CCDC73: variants seen among roughly 807,000 people sequenced by gnomAD.
CCDC73 encodes coiled-coil domain-containing protein 73.
CCDC73 carries 95 observed loss-of-function variants against 116.5 expected under a neutral mutation model. The ratio of observed to expected loss-of-function variants is 0.82; its 90% CI spans 0.69 to 0.97. CCDC73 has a LOEUF of 0.97. CCDC73 is among the 50% of genes least tolerant of loss of function. CCDC73 has a pLI of 0.00. For missense variants in CCDC73, 1,066 were observed against 1,206.8 expected (o/e 0.88, Z 1.73); for synonymous variants, 398 against 401.3 (o/e 0.99, Z 0.10).
Position 32,655,089 on chromosome 11 carries a change from C to CATATATCAAGATAATA in CCDC73, c.646-118_646-117insTATTATCTTGATATAT. 1.6e-3 allele frequency: 1,256 copies of CATATATCAAGATAATA among 763,180 alleles called. 33 individuals are homozygous for CATATATCAAGATAATA. Among genetic ancestry groups the CATATATCAAGATAATA allele is most frequent in the Non-Finnish European group, 2.2e-3 (1,102 of 509,096 alleles). The allele number at this position is 763,180 out of a possible 1,614,324, so 47.3% of individuals were successfully genotyped here. A position where few individuals can be genotyped will look rare whatever the true frequency, so the allele number is the denominator to read the frequency against. Reference sequence around the variant, plus strand: ...CCTATAATTATAATTTGTTATAATTCCCTTGCAAGTTCCCTTGCAAGATTA... The same window carrying CATATATCAAGATAATA: ...CCTATAATTATAATTTGTTATAATTCATATATCAAGATAATACCTTGCAAGTTCCCTTGCAAGATTA... On this transcript the variant is annotated intron_variant, in intron 9 of 17. Transcript: ENST00000335185.
chr11:32,607,439 G>C (rs955742828), intron 17 of CCDC73, among the ~76,000 whole-genome samples: 1 of 152,116 alleles, frequency 6.6e-6, no homozygotes, highest in African/African-American at 2.4e-5. Context: ...AGAACATTAG[G>C]AATTAGACAA....
chr11:32,821,403 T>A, the CCDC73 span, among the ~76,000 whole-genome samples: 1 of 152,200 alleles, frequency 6.6e-6, no homozygotes, highest in African/African-American at 2.4e-5. Flanking sequence ...AGAGGTCATT[T>A]TTAAAAGTCT....
At chr11:32,606,085 T>C (rs1424040647) in intron 17 of CCDC73, 3 of 152,138 alleles carry the variant, frequency 2.0e-5, no homozygotes, top group Non-Finnish European at 4.4e-5. Flanking sequence ...TAATCAAGAT[T>C]GCAGTAGGCT....
chr11:32,676,033 A>G lies in CCDC73; in HGVS notation c.430-12T>C, dbSNP rs1325719132. 6.3e-7 allele frequency: 1 copy of G among 1,576,876 alleles called. No individual in the cohort carries two copies. The highest frequency in any genetic ancestry group is 2.3e-5 in the East Asian group (1 of 44,068). On this transcript the variant is annotated splice_polypyrimidine_tract_variant and intron_variant, in intron 7 of 17. Transcript: ENST00000335185. ...TGGACCTTTTGTTCCTATTTTGAAG[A>G]GTAATTTTAAATGTTATACATATAA...
chr11:32,766,952 C>G (rs181696092), intron 1 of CCDC73, among the ~76,000 whole-genome samples: 120 of 152,312 alleles, frequency 7.9e-4, no homozygotes, highest in African/African-American at 2.7e-3. Flanking sequence ...ACTTTCTTCA[C>G]AGAATTGGAA....
At chr11:32,622,642 T>C (rs1420667376) in intron 14 of CCDC73, among the ~76,000 whole-genome samples, 2 of 129,938 alleles carry the variant, frequency 1.5e-5, no homozygotes, top group African/African-American at 5.9e-5. Context: ...CTGCACATTC[T>C]CCACATGTAT....
At chr11:32,757,301 AT>A (rs1850352781) in intron 2 of CCDC73, among the ~76,000 whole-genome samples, 1 of 152,116 alleles carries the variant, frequency 6.6e-6, no homozygotes, top group African/African-American at 2.4e-5. Context: ...GGGGTGAAGA[AT>A]TTTATTCTAC....
At chr11:32,668,648 G>A (rs1392682440) in intron 9 of CCDC73, among the ~76,000 whole-genome samples, 1 of 152,172 alleles carries the variant, frequency 6.6e-6, no homozygotes, top group Non-Finnish European at 1.5e-5. Context: ...AGTGGTATGT[G>A]TAAGTATAGT....
intron 2 of CCDC73, among the ~76,000 whole-genome samples, chr11:32,752,536 C>T (rs1004430926): frequency 4.6e-5 from 7 of 152,152 alleles, no homozygotes; most frequent in South Asian, 4.1e-4. Context: ...AAAATACAGT[C>T]GTACTCATTC....
intron 17 of CCDC73, chr11:32,603,393 A>AT: frequency 6.2e-6 from 1 of 162,162 alleles, no homozygotes; most frequent in Non-Finnish European, 1.3e-5. Flanking sequence ...TAACTTTTTC[A>AT]TTTTAAGGTT....
intron 5 of CCDC73, among the ~76,000 whole-genome samples, chr11:32,700,190 A>C (rs1454243879): frequency 6.6e-6 from 1 of 152,056 alleles, no homozygotes; most frequent in Non-Finnish European, 1.5e-5. Context: ...ATGAATATAA[A>C]AATATGGGAG....
chr11:32,706,645 C>G (rs12286919), intron 3 of CCDC73, among the ~76,000 whole-genome samples: 1,825 of 152,284 alleles, frequency 0.012, 36 homozygotes, highest in African/African-American at 0.042. Flanking sequence ...ATTTTATTCT[C>G]AAACTTGCAA....
At chr11:32,754,180 C>G (rs1159349488) in intron 2 of CCDC73, among the ~76,000 whole-genome samples, 2 of 152,138 alleles carry the variant, frequency 1.3e-5, no homozygotes, top group Non-Finnish European at 2.9e-5. Flanking sequence ...CTACCAAGCT[C>G]TAAAAACCAC....
At chr11:32,795,062 G>A (rs1231746037), upstream of CCDC73, among the ~76,000 whole-genome samples, 1 of 152,172 alleles carries the variant, frequency 6.6e-6, no homozygotes, top group African/African-American at 2.4e-5. Context: ...CCTGTGGGGA[G>A]CAATGGGAAG....
intron 14 of CCDC73, among the ~76,000 whole-genome samples, chr11:32,631,635 AG>A (rs1855631994): frequency 6.7e-6 from 1 of 149,802 alleles, no homozygotes; most frequent in Non-Finnish European, 1.5e-5. Context: ...GGGACGGGAA[AG>A]GAAAGGAAAG....
chr11:32,635,773 CT>C lies in CCDC73; in HGVS notation c.1107del (p.Glu370LysfsTer31). 1 of 1,263,784 alleles carries C rather than the reference CT, an allele frequency of 7.9e-7. No homozygotes were observed. Among genetic ancestry groups the C allele is most frequent in the Non-Finnish European group, 1.0e-6 (1 of 978,144 alleles). The allele number at this position is 1,263,784 out of a possible 1,614,324, so 78.3% of individuals were successfully genotyped here. A position where few individuals can be genotyped will look rare whatever the true frequency, so the allele number is the denominator to read the frequency against. On this transcript the variant is annotated frameshift_variant, in exon 14 of 18. Transcript: ENST00000335185. LOFTEE classifies it high-confidence loss of function. ...TGTTCTTGTAACTTAATATGAGTTT[CT>C]TTAAGGGATGATAATTCATTTTTAA... ...NKIKNELSSL[K>X]ETHIKLQEHY... is the part of the protein sequence containing the mutation.
chr11:32,761,946 C>T (rs1322212924), intron 1 of CCDC73, among the ~76,000 whole-genome samples: 1 of 152,174 alleles, frequency 6.6e-6, no homozygotes, highest in Non-Finnish European at 1.5e-5. Context: ...ACAACCCTAA[C>T]CTTTTTCTCT....
rs761870813 is a variant in CCDC73 at position 32,654,829 on chromosome 11, C to T, written c.774+15G>A. 7.1e-7 allele frequency: 1 copy of T among 1,414,604 alleles called. No homozygotes were observed. Among genetic ancestry groups the T allele is most frequent in the Non-Finnish European group, 9.6e-7 (1 of 1,038,908 alleles). The allele number at this position is 1,414,604 out of a possible 1,614,324, so 87.6% of individuals were successfully genotyped here. On this transcript the variant is annotated intron_variant, in intron 10 of 17. Coordinates refer to ENST00000335185, the MANE Select transcript of CCDC73 (RefSeq NM_001008391.4). ...AAAATATTAATGTTATAAACAAATA[C>T]ATTTAATAAAATACCATGTTGAGTC...
intron 2 of CCDC73, among the ~76,000 whole-genome samples, chr11:32,730,013 C>T (rs1277376664): frequency 6.6e-6 from 1 of 152,156 alleles, no homozygotes; most frequent in Non-Finnish European, 1.5e-5. Flanking sequence ...CTTCTTTTCC[C>T]CCTACTCTGC....
Sources: allele counts gnomAD v4.1 joint callset (sites outside exome capture counted in the v4.1 genomes callset), GRCh38; gene constraint gnomAD v4.1.1; transcripts MANE v1.5; gene names NCBI Gene and HGNC (gene_info 2026-07-23, HGNC 2026-07-21).